The following NDRG1 variants were observed in gnomAD, a reference collection of about 807,000 sequenced individuals.
NDRG1 encodes the protein protein NDRG1.
NDRG1 carries 32 observed loss-of-function variants against 56.9 expected under a neutral mutation model. The observed-to-expected ratio is 0.56, with a 90% CI of 0.42 to 0.76. The LOEUF (loss-of-function observed/expected upper bound fraction) is 0.76, where lower values mean the gene tolerates loss of function less well. Among genes scored for constraint, NDRG1 ranks in the 30% least tolerant of loss-of-function variants. NDRG1 has a pLI of 0.00. For missense variants in NDRG1, 507 were observed against 545.7 expected (o/e 0.93, Z 0.71); for synonymous variants, 211 against 204.1 (o/e 1.03, Z -0.29).
At chr8:133,271,646 G>A (rs865845798) in intron 3 of NDRG1, among the ~76,000 whole-genome samples, 12 of 152,000 alleles carry the variant, frequency 7.9e-5, no homozygotes, top group African/African-American at 2.9e-4. Context: ...CAGGCATGGT[G>A]GCTCACGCCT....
At chr8:133,287,832 G>A (rs139543886) in intron 1 of NDRG1, among the ~76,000 whole-genome samples, 120 of 152,302 alleles carry the variant, frequency 7.9e-4, no homozygotes, top group African/African-American at 2.4e-3. Flanking sequence ...CCCCTGGTGC[G>A]ACATCCACCC....
intron 1 of NDRG1, among the ~76,000 whole-genome samples, chr8:133,288,777 C>T (rs1323466065): frequency 2.6e-5 from 4 of 152,192 alleles, no homozygotes; most frequent in Non-Finnish European, 2.9e-5. Flanking sequence ...ACTGACAAAC[C>T]GTGTCTCCAT....
chr8:133,293,227 G>A (rs555109656), intron 1 of NDRG1, among the ~76,000 whole-genome samples: 240 of 152,306 alleles, frequency 1.6e-3, no homozygotes, highest in African/African-American at 5.5e-3. Flanking sequence ...AGCCAAGACC[G>A]CTATCTAGCC....
intron 13 of NDRG1, among the ~76,000 whole-genome samples, chr8:133,245,207 A>G (rs2977558): frequency 0.87 from 131,851 of 152,144 alleles, 57,302 homozygotes; most frequent in Middle Eastern, 0.95. Context: ...CATTAGACTG[A>G]CGCTGTGGAA....
At chr8:133,279,999 G>A (rs781336663) in intron 3 of NDRG1, among the ~76,000 whole-genome samples, 1 of 152,098 alleles carries the variant, frequency 6.6e-6, no homozygotes, top group Non-Finnish European at 1.5e-5. Flanking sequence ...TGAAACAGGC[G>A]GTGTCTCTGT....
chr8:133,272,223 T>C (rs572975115), intron 3 of NDRG1, among the ~76,000 whole-genome samples: 2 of 152,332 alleles, frequency 1.3e-5, no homozygotes, highest in Non-Finnish European at 2.9e-5. Flanking sequence ...GAATACAGCA[T>C]GCAACTGGAA....
intron 7 of NDRG1, 142 bp from the exon 8 acceptor site, chr8:133,257,005 C>T: frequency 1.3e-6 from 1 of 781,856 alleles, no homozygotes. Flanking sequence ...CCCGGCCCCA[C>T]CCCATGCAAA....
rs556794392 is a variant in NDRG1 at position 133,253,125 on chromosome 8, C to G, written c.594+1414G>C. Among the ~76,000 whole-genome samples the G allele has an allele frequency of 3.3e-3, 500 of 152,356 alleles. 6 individuals carry two copies. Among genetic ancestry groups the G allele is most frequent in the African/African-American group, 0.011 (441 of 41,586 alleles). On this transcript the variant is annotated intron_variant, in intron 9 of 15. Coordinates refer to ENST00000323851, the MANE Select transcript of NDRG1 (RefSeq NM_006096.4). The stretch of plus-strand genomic sequence containing the variant: ...CAGACCCTGGGCTTGCAACCAAGCC[C>G]ATGGCATACCCTTCCCGAGGGTAGC...
Position 133,250,555 on chromosome 8 carries a change from G to T in NDRG1, c.595-12C>A. ...CTCTGCATTTCTTCCTGCATTTAGA[G>T]AGGTGAGAAGATGGTCCTCATCGCA... On this transcript the variant is annotated splice_polypyrimidine_tract_variant and intron_variant, in intron 9 of 15. Transcript: ENST00000323851. 1 of 1,610,522 alleles carries T rather than the reference G, an allele frequency of 6.2e-7. No homozygotes were observed. Among genetic ancestry groups the T allele is most frequent in the Non-Finnish European group, 8.5e-7 (1 of 1,176,854 alleles).
chr8:133,256,916 G>C (rs888218186), intron 7 of NDRG1, 53 bp from the exon 8 acceptor site: 2 of 1,551,042 alleles, frequency 1.3e-6, no homozygotes, highest in African/African-American at 1.4e-5. Context: ...TGAAACACTA[G>C]GAACTTTCCA....
At chr8:133,242,665 G>A (rs989180076) in intron 14 of NDRG1, among the ~76,000 whole-genome samples, 1 of 151,882 alleles carries the variant, frequency 6.6e-6, no homozygotes, top group African/African-American at 2.4e-5. Context: ...TGAAAGAAGG[G>A]ATGATGGATA....
chr8:133,289,917 A>G (rs1264796972), intron 1 of NDRG1, among the ~76,000 whole-genome samples: 2 of 152,184 alleles, frequency 1.3e-5, no homozygotes, highest in Non-Finnish European at 2.9e-5. Flanking sequence ...CTCCATCTGT[A>G]AAGTAGGCAC....
intron 1 of NDRG1, among the ~76,000 whole-genome samples, chr8:133,286,389 A>G (rs1434291284): frequency 6.6e-6 from 1 of 152,210 alleles, no homozygotes; most frequent in Non-Finnish European, 1.5e-5. Flanking sequence ...ACATTAGGAC[A>G]TAGTGTCTGT....
In NDRG1 at chr8:133,280,500, T is replaced by C; in HGVS notation, c.64-233A>G. Among the ~76,000 whole-genome samples, 2 of 151,538 alleles carry C rather than the reference T, an allele frequency of 1.3e-5. 1 individual carries two copies. The highest frequency in any genetic ancestry group is 6.3e-3 in the Middle Eastern group (2 of 316). The stretch of plus-strand genomic sequence containing the variant: ...GTACAGTGGTGTGATCGCAGCTCAC[T>C]GCAAGCTCCGCCTCCCAGGGTCACG... On this transcript the variant is annotated intron_variant, in intron 2 of 15. Transcript: ENST00000323851.
rs1369671448 is a variant in NDRG1, at chr8:133,238,366, T to C, written c.*512A>G. 8.5e-6 allele frequency: 2 copies of C among 235,876 alleles called. No individual in the cohort carries two copies. Among genetic ancestry groups the C allele is most frequent in the Non-Finnish European group, 1.7e-5 (2 of 120,134 alleles). The allele number at this position is 235,876 out of a possible 1,614,324, so 14.6% of individuals were successfully genotyped here. A position where few individuals can be genotyped will look rare whatever the true frequency, so the allele number is the denominator to read the frequency against. ...ATCCCACCTTTTCCCCCTTCCTGTT[T>C]TGCCTGTTTAAAAGAGGTGCCTGCA... On this transcript the variant is annotated 3_prime_UTR_variant, in exon 16 of 16. Transcript: ENST00000323851.
At position 133,297,188 on chromosome 8, in the gene NDRG1, G is replaced by T. The variant is rs1236794783; in HGVS notation, c.-73C>A. ...GCCGAGGCTGGCGGCCCAGCGCCCC[G>T]CGGAAGCCGAGGGCGGATGGTGAAC... is the stretch of plus-strand genomic sequence containing the variant. On this transcript the variant is annotated 5_prime_UTR_variant, in exon 1 of 16. Transcript: ENST00000323851. 1 of 152,256 alleles carries T rather than the reference G, an allele frequency of 6.6e-6. No individual in the cohort carries two copies. Among genetic ancestry groups the T allele is most frequent in the Non-Finnish European group, 1.5e-5 (1 of 68,084 alleles). 9.4% of individuals were successfully genotyped at this position (152,256 alleles called of 1,614,324 possible).
chr8:133,283,161 C>A (rs1857911314), intron 2 of NDRG1, among the ~76,000 whole-genome samples: 2 of 152,214 alleles, frequency 1.3e-5, no homozygotes, highest in African/African-American at 4.8e-5. Flanking sequence ...GACAAATTAA[C>A]CTCCCTAAGA....
intron 8 of NDRG1, 95 bp downstream of exon 8, chr8:133,256,682 G>C: frequency 8.4e-7 from 1 of 1,195,798 alleles, no homozygotes; most frequent in Non-Finnish European, 1.2e-6. Context: ...GGTAAAGAGA[G>C]AGCTCGTAGC....
At chr8:133,279,515 G>A (rs937469656) in intron 3 of NDRG1, among the ~76,000 whole-genome samples, 10 of 152,186 alleles carry the variant, frequency 6.6e-5, no homozygotes, top group African/African-American at 4.8e-5. Context: ...CATGGGTAGC[G>A]GTTCAGGTGA....
Sources: gnomAD v4.1 joint callset for allele counts (sites outside exome capture counted in the v4.1 genomes callset) on GRCh38, gnomAD v4.1.1 for gene constraint, MANE v1.5 for transcripts, NCBI Gene and HGNC (gene_info 2026-07-23, HGNC 2026-07-21) for gene names.